The following RBFOX3 variants were observed in gnomAD, a reference collection of about 807,000 sequenced individuals.
The protein encoded by RBFOX3 is RNA binding fox-1 homolog 3, also known as RNA binding protein fox-1 homolog 3.
In RBFOX3, 17 loss-of-function variants were observed where a neutral mutation model predicts 48.7. That is an observed-to-expected ratio of 0.35 (90% confidence interval 0.24 to 0.52). The LOEUF (loss-of-function observed/expected upper bound fraction) is 0.52. RBFOX3 is among the 20% of genes least tolerant of loss of function. RBFOX3 has a pLI of 0.94. For missense variants in RBFOX3, 382 were observed against 497.5 expected, an observed-to-expected ratio of 0.77 and a Z score of 2.21; for synonymous variants, 212 against 209.5, an observed-to-expected ratio of 1.01 and a Z score of -0.10.
chr17:79,357,235 C>T (rs570369600), intron 2 of RBFOX3, among the ~76,000 whole-genome samples: 1 of 152,348 alleles, frequency 6.6e-6, no homozygotes, highest in East Asian at 1.9e-4. Context: ...AGCACACTCG[C>T]CTTTAAGCAG....
chr17:79,388,348 G>A (rs995803052), intron 2 of RBFOX3, among the ~76,000 whole-genome samples: 2 of 152,178 alleles, frequency 1.3e-5, no homozygotes, highest in Non-Finnish European at 2.9e-5. Flanking sequence ...ACGGCTGAAC[G>A]AGGATGCAGA....
chr17:79,260,105 C>T (rs1023476356), intron 3 of RBFOX3, among the ~76,000 whole-genome samples: 1 of 151,986 alleles, frequency 6.6e-6, no homozygotes, highest in African/African-American at 2.4e-5. Flanking sequence ...ATTGTCTAGC[C>T]AGCACTTACT....
intron 1 of RBFOX3, among the ~76,000 whole-genome samples, chr17:79,505,625 C>T (rs1210309187): frequency 3.3e-5 from 5 of 152,164 alleles, no homozygotes; most frequent in African/African-American, 1.2e-4. Context: ...CAAGGAGGTA[C>T]CACCACCAGC....
intron 2 of RBFOX3, among the ~76,000 whole-genome samples, chr17:79,382,019 G>A (rs528441742): frequency 1.1e-4 from 16 of 152,260 alleles, no homozygotes; most frequent in South Asian, 2.1e-4. Context: ...AACAGCAGCC[G>A]CCAACAGAGC....
intron 2 of RBFOX3, among the ~76,000 whole-genome samples, chr17:79,347,286 A>G (rs533877764): frequency 2.0e-5 from 3 of 152,236 alleles, no homozygotes; most frequent in African/African-American, 7.2e-5. Context: ...TATCTTTGTT[A>G]TTCTTAAATT....
chr17:79,571,722 C>T (rs1168032066), intron 1 of RBFOX3, among the ~76,000 whole-genome samples: 4 of 152,102 alleles, frequency 2.6e-5, no homozygotes, highest in African/African-American at 9.7e-5. Flanking sequence ...AGGACGCAGC[C>T]GACCTGGCCA....
chr17:79,219,146 C>A (rs1468071847), intron 4 of RBFOX3, among the ~76,000 whole-genome samples: 1 of 152,168 alleles, frequency 6.6e-6, no homozygotes. Flanking sequence ...GGACTGTGGC[C>A]CTGGAGTTCC....
At chr17:79,623,493 C>G in the RBFOX3 span, among the ~76,000 whole-genome samples, 17 of 152,130 alleles carry the variant, frequency 1.1e-4, no homozygotes, top group Non-Finnish European at 2.2e-4. Flanking sequence ...ATCCAGGTGG[C>G]CCAACGTAAC....
chr17:79,608,898 G>C (rs2093902644), intron 1 of RBFOX3, among the ~76,000 whole-genome samples: 1 of 152,066 alleles, frequency 6.6e-6, no homozygotes, highest in South Asian at 2.1e-4. Flanking sequence ...GGCGCGCCGG[G>C]ATGGTTCTAA....
At position 79,362,220 on chromosome 17, in the gene RBFOX3, G is replaced by A. The variant is rs767838338; in HGVS notation, c.-174-54396C>T. ...CGGGGTCTTTCAGCCTGAGGTGAGC[G>A]CCCCAGAGAGCTTCCCAGGTTCTCA... On this transcript the variant is annotated intron_variant, in intron 2 of 14. Transcript: ENST00000693108. The surrounding 1 kb of genome is among the most constrained non-coding windows in gnomAD (Gnocchi z 4.2). Among the ~76,000 whole-genome samples the A allele has an allele frequency of 3.3e-5, 5 of 152,200 alleles. No individual in the cohort carries two copies. The highest frequency in any genetic ancestry group is 7.3e-5 in the Non-Finnish European group (5 of 68,048).
chr17:79,313,412 A>T (rs1288402624), intron 2 of RBFOX3, among the ~76,000 whole-genome samples: 3 of 151,966 alleles, frequency 2.0e-5, no homozygotes, highest in African/African-American at 7.3e-5. Flanking sequence ...TCATTCATGT[A>T]CTCATTCATT....
chr17:79,382,997 G>A (rs1209574899), intron 2 of RBFOX3, among the ~76,000 whole-genome samples: 1 of 148,998 alleles, frequency 6.7e-6, no homozygotes, highest in Non-Finnish European at 1.5e-5. Context: ...GGCTGTGTGG[G>A]CACATTTCCA....
chr17:79,506,007 C>T (rs1281958820), intron 1 of RBFOX3, among the ~76,000 whole-genome samples: 1 of 152,222 alleles, frequency 6.6e-6, no homozygotes, highest in African/African-American at 2.4e-5. Flanking sequence ...GACGCCTCCC[C>T]CTTCCCTTAC....
chr17:79,478,798 G>T (rs945305959), intron 2 of RBFOX3, among the ~76,000 whole-genome samples: 1 of 152,278 alleles, frequency 6.6e-6, no homozygotes, highest in Non-Finnish European at 1.5e-5. Flanking sequence ...GACAAATCTC[G>T]TTTTGCAGCA....
At chr17:79,146,137 G>A (rs2042990238) in intron 4 of RBFOX3, among the ~76,000 whole-genome samples, 1 of 152,258 alleles carries the variant, frequency 6.6e-6, no homozygotes, top group East Asian at 1.9e-4. Context: ...GAATACAGAC[G>A]AAGCTTCACT....
intron 14 of RBFOX3, 144 bp from the exon 15 acceptor site, chr17:79,091,029 A>C: frequency 1.2e-6 from 1 of 823,282 alleles, no homozygotes. Flanking sequence ...CAGGACCCTC[A>C]TCTTCCAGGG....
Position 79,097,733 on chromosome 17 carries a change from T to C in RBFOX3, c.581A>G (p.Asn194Ser). 1.3e-6 allele frequency: 2 copies of C among 1,550,398 alleles called. No homozygotes were observed. Among genetic ancestry groups the C allele is most frequent in the East Asian group, 4.9e-5 (2 of 40,802 alleles). The change falls in exon 10 of 15, where the codon AAT becomes AGT. Residue 194 changes from asparagine (N) to serine (S), a missense_variant. Transcript: ENST00000693108. ...CCCGTAGACTGCGCCGACCACTGGA[T>C]TTAGCTTCCAGCCTAAAACAAAGGC... ...GNPYTNGWKL[N>S]PVVGAVYGPE...
At chr17:79,336,388 A>G (rs2081192947) in intron 2 of RBFOX3, among the ~76,000 whole-genome samples, 1 of 44,888 alleles carries the variant, frequency 2.2e-5, no homozygotes, top group Non-Finnish European at 5.0e-5. Context: ...TTTCATCTCA[A>G]AAAATAAATA....
At chr17:79,140,855 T>C (rs954981224) in intron 4 of RBFOX3, among the ~76,000 whole-genome samples, 3 of 152,186 alleles carry the variant, frequency 2.0e-5, no homozygotes, top group African/African-American at 7.2e-5. Flanking sequence ...GAAGTAGAGA[T>C]ATTTGGGAAA....
Sources: allele counts gnomAD v4.1 joint callset (sites outside exome capture counted in the v4.1 genomes callset), GRCh38; gene constraint gnomAD v4.1.1; non-coding constraint Gnocchi (gnomAD v3.1); transcripts MANE v1.5; gene names NCBI Gene and HGNC (gene_info 2026-07-23, HGNC 2026-07-21).